VPS13B: variants seen among roughly 807,000 people sequenced by gnomAD.
VPS13B encodes the protein intermembrane lipid transfer protein VPS13B.
Under a neutral mutation model 426.4 loss-of-function variants are expected in VPS13B, and 285 were observed. The observed-to-expected ratio is 0.67, with a 90% confidence interval of 0.61 to 0.74. VPS13B has a LOEUF of 0.74. Among genes scored for constraint, VPS13B ranks in the 30% least tolerant of loss-of-function variants. The pLI is 0.00. For missense variants in VPS13B, 4,537 were observed against 4,782.6 expected, an observed-to-expected ratio of 0.95 and a Z score of 1.51; for synonymous variants, 1,676 against 1,676.4, an observed-to-expected ratio of 1.00 and a Z score of 0.01.
At chr8:99,645,377 T>C (rs1204427945) in intron 34 of VPS13B, among the ~76,000 whole-genome samples, 1 of 152,238 alleles carries the variant, frequency 6.6e-6, no homozygotes, top group Non-Finnish European at 1.5e-5. Context: ...GTGCTGGTAC[T>C]ATTTTAGCTG....
At chr8:99,857,926 C>T (rs899534155) in intron 56 of VPS13B, among the ~76,000 whole-genome samples, 3 of 152,240 alleles carry the variant, frequency 2.0e-5, no homozygotes, top group South Asian at 2.1e-4. Context: ...ATCATCCTAA[C>T]GTTCCAGAGA....
At chr8:99,700,016 A>C (rs1832200919) in intron 36 of VPS13B, 84 bp downstream of exon 36, 12 of 1,515,116 alleles carry the variant, frequency 7.9e-6, no homozygotes, top group Non-Finnish European at 1.1e-5. Flanking sequence ...TTGAAGATTT[A>C]TATTATGTAG....
rs1825834316 is a variant in VPS13B, at chr8:99,577,538, C to T, written c.5125C>T (p.Leu1709=). ...CTTAGAAGTGAATATAACCACAAAC[C>T]TGGACTTCTTCCTAAGTGTGGCTCA... The part of the protein sequence containing the change: ...HSLEVNITTN[L]DFFLSVAQVQ... The change falls in exon 33 of 62, where the codon CTG becomes TTG. Residue 1709 remains leucine (L), a synonymous_variant. Coordinates refer to ENST00000357162, the MANE Select transcript of VPS13B (RefSeq NM_152564.5). The T allele has an allele frequency of 6.2e-7, 1 of 1,613,814 alleles. No individual in the cohort carries two copies. Among genetic ancestry groups the T allele is most frequent in the Non-Finnish European group, 8.5e-7 (1 of 1,179,782 alleles).
chr8:99,464,007 A>C lies in VPS13B; in HGVS notation c.3446-3407A>C, dbSNP rs140965464. On this transcript the variant is annotated intron_variant, in intron 23 of 61. Transcript: ENST00000357162. ...ACCGCTCCAGGCCTTAACTGTCTTT[A>C]AATAAGTTAAATGCTAACTAGTTTG... 6.3e-3 allele frequency among the ~76,000 whole-genome samples: 960 copies of C among 152,244 alleles called. 8 individuals are homozygous for C. The highest frequency in any genetic ancestry group is 0.022 in the African/African-American group (903 of 41,546).
chr8:99,787,370 C>A (rs1294413065), intron 43 of VPS13B, among the ~76,000 whole-genome samples: 1 of 152,158 alleles, frequency 6.6e-6, no homozygotes, highest in Non-Finnish European at 1.5e-5. Context: ...TAGTTTCTAA[C>A]ACATGCTCTG....
Position 99,080,048 on chromosome 8 carries a change from A to G in VPS13B, c.292-16264A>G, listed in dbSNP as rs530426961. Among the ~76,000 whole-genome samples the G allele has an allele frequency of 6.0e-5, 9 of 150,616 alleles. No homozygotes were observed. The South Asian group carries it at 1.7e-3, about 28-fold the overall frequency. On this transcript the variant is annotated intron_variant, in intron 3 of 61. Transcript: ENST00000357162. ...AATATATACTTGTGTATTATATTGT[A>G]TATTATCTATATCATATAAATTATA...
intron 36 of VPS13B, among the ~76,000 whole-genome samples, chr8:99,705,921 T>A (rs1832480510): frequency 6.6e-6 from 1 of 152,076 alleles, no homozygotes; most frequent in African/African-American, 2.4e-5. Context: ...ATCAGAGCGA[T>A]CTCATGTGCT....
At chr8:99,414,508 T>C (rs1303265132) in intron 21 of VPS13B, among the ~76,000 whole-genome samples, 1 of 152,222 alleles carries the variant, frequency 6.6e-6, no homozygotes, top group East Asian at 1.9e-4. Context: ...AGTTTCTTCA[T>C]AGTGTCAATG....
intron 17 of VPS13B, among the ~76,000 whole-genome samples, chr8:99,259,300 A>G (rs543610228): frequency 3.9e-5 from 6 of 152,152 alleles, no homozygotes; most frequent in Non-Finnish European, 7.4e-5. Context: ...TTTATAAGCT[A>G]CTTTTTGCTT....
In VPS13B at chr8:99,102,825, A is replaced by G. The variant is rs185895884; in HGVS notation, c.413-128A>G. 3.7e-5 allele frequency: 35 copies of G among 954,678 alleles called. No homozygotes were observed. In the African/African-American group the frequency reaches 5.1e-4, roughly 14 times the overall value. The allele number at this position is 954,678 out of a possible 1,614,324, so 59.1% of individuals were successfully genotyped here. A position where few individuals can be genotyped will look rare whatever the true frequency, so the allele number is the denominator to read the frequency against. ...AAGCCTTTTAACCTATCTGAACTTC[A>G]GTTTCTCTTTGGGAAATATGCTAAA... On this transcript the variant is annotated intron_variant, in intron 4 of 61. Coordinates refer to ENST00000357162, the MANE Select transcript of VPS13B (RefSeq NM_152564.5).
chr8:99,561,719 C>T (rs954701818), intron 31 of VPS13B, among the ~76,000 whole-genome samples: 2 of 152,174 alleles, frequency 1.3e-5, no homozygotes, highest in African/African-American at 4.8e-5. Context: ...GTATTAAATA[C>T]ATTCTTGACT....
At chr8:99,827,944 T>C (rs1337554556) in intron 51 of VPS13B, among the ~76,000 whole-genome samples, 1 of 152,152 alleles carries the variant, frequency 6.6e-6, no homozygotes, top group Non-Finnish European at 1.5e-5. Flanking sequence ...TCTGAGAGAC[T>C]GTTTGTTATG....
At chr8:99,437,792 G>T (rs556322634) in intron 22 of VPS13B, among the ~76,000 whole-genome samples, 25 of 152,118 alleles carry the variant, frequency 1.6e-4, no homozygotes, top group African/African-American at 5.8e-4. Context: ...TAAGTTCACC[G>T]GTTCTTTCCA....
chr8:99,874,491 C>T (rs1317544914), intron 61 of VPS13B, among the ~76,000 whole-genome samples: 4 of 152,152 alleles, frequency 2.6e-5, no homozygotes, highest in East Asian at 1.9e-4. Context: ...CTGGACCACA[C>T]GCAGAACTAG....
intron 15 of VPS13B, among the ~76,000 whole-genome samples, chr8:99,157,905 G>A (rs1811442002): frequency 6.6e-6 from 1 of 152,176 alleles, no homozygotes; most frequent in Non-Finnish European, 1.5e-5. Context: ...GATCAAACCA[G>A]CTACAATATT....
rs964149137 is a variant in VPS13B, at chr8:99,038,003, G to A, written c.148-420G>A. Among the ~76,000 whole-genome samples, 19 of 151,906 alleles carry A rather than the reference G, an allele frequency of 1.3e-4. 1 individual carries two copies. Among genetic ancestry groups the A allele is most frequent in the African/African-American group, 4.4e-4 (18 of 41,372 alleles). ...AGACTTAAAAAATTACATCATTTCA[G>A]TTATTTGAAGTACTGCTGCTATATA... On this transcript the variant is annotated intron_variant, in intron 2 of 61. Transcript: ENST00000357162.
chr8:99,798,854 G>A (rs1442544966), intron 43 of VPS13B, among the ~76,000 whole-genome samples: 1 of 152,204 alleles, frequency 6.6e-6, no homozygotes, highest in Non-Finnish European at 1.5e-5. Context: ...AATTTTAAAT[G>A]TGAATTTTAA....
chr8:99,832,567 C>G lies in VPS13B; in HGVS notation c.9529C>G (p.Leu3177Val). The change falls in exon 52 of 62, where the codon CTG becomes GTG. Residue 3177 changes from leucine to valine, a missense_variant. Leu to Val is a conservative substitution (Grantham distance 32, BLOSUM62 1). Coordinates refer to ENST00000357162, the MANE Select transcript of VPS13B (RefSeq NM_152564.5). ...PGADSSQCWS[L>V]PAIVRPEFPR... ...TGCTGACAGCTCACAGTGCTGGAGC[C>G]TGCCAGCTATAGTTAGACCAGAGTT... The G allele has an allele frequency of 6.2e-7, 1 of 1,613,860 alleles. No homozygotes were observed. Among genetic ancestry groups the G allele is most frequent in the Non-Finnish European group, 8.5e-7 (1 of 1,179,980 alleles).
intron 18 of VPS13B, 40 bp downstream of exon 18, chr8:99,274,372 T>G (rs764461167): frequency 1.2e-6 from 2 of 1,613,890 alleles, no homozygotes; most frequent in South Asian, 2.2e-5. Context: ...ATTGCCTGTA[T>G]AGGAGAATTG....
Sources: allele counts gnomAD v4.1 joint callset (sites outside exome capture counted in the v4.1 genomes callset), GRCh38; gene constraint gnomAD v4.1.1; transcripts MANE v1.5; gene names NCBI Gene and HGNC (gene_info 2026-07-23, HGNC 2026-07-21).